WFS1: variants seen among roughly 807,000 people sequenced by gnomAD.
The protein encoded by WFS1 is wolframin.
WFS1 carries 90 observed loss-of-function variants against 68.5 expected under a neutral mutation model. The observed-to-expected ratio is 1.31, with a 90% CI of 1.11 to 1.56. The LOEUF is 1.56. WFS1 is among the 40% of genes most tolerant of loss of function. The pLI is 0.00. For missense variants in WFS1, 1,767 were observed against 1,232.6 expected (o/e 1.43, Z -6.49); for synonymous variants, 860 against 540.7 (o/e 1.59, Z -8.19).
chr4:6,295,135 A>T lies in WFS1; in HGVS notation c.807A>T (p.Glu269Asp), dbSNP rs773140080. The T allele has an allele frequency of 1.4e-5, 23 of 1,613,086 alleles. No individual in the cohort carries two copies. Among genetic ancestry groups the T allele is most frequent in the African/African-American group, 5.3e-5 (4 of 75,042 alleles). Residue 269 changes from glutamate (E) to aspartate (D), a missense_variant, in exon 7 of 8, where the codon GAA becomes GAT. By Grantham distance (45) the Glu-to-Asp change is conservative (BLOSUM62 2). Coordinates refer to ENST00000226760, the MANE Select transcript of WFS1 (RefSeq NM_006005.3). ...GCAGCCTGTTCCTGCAGGACGACGA[A>T]GATGATGACGAGCTGGCGGGGAAGA... ...IPSSLFLQDD[E>D]DDDELAGKSP...
chr4:6,299,505 T>G lies in WFS1; in HGVS notation c.862-1152T>G, dbSNP rs567751616. Among the ~76,000 whole-genome samples, 242 of 120,684 alleles carry G rather than the reference T, an allele frequency of 2.0e-3. 2 individuals are homozygous for G. Among genetic ancestry groups the G allele is most frequent in the African/African-American group, 7.8e-3 (233 of 29,768 alleles). 79.2% of individuals were successfully genotyped at this position (120,684 alleles called of 152,430 possible). A position where few individuals can be genotyped will look rare whatever the true frequency, so the allele number is the denominator to read the frequency against. On this transcript the variant is annotated intron_variant, in intron 7 of 7. Coordinates refer to ENST00000226760, the MANE Select transcript of WFS1 (RefSeq NM_006005.3). Reference sequence around the variant, plus strand: ...GTGGGTGTGCACGTGTGTGTAGGGGTGGGTTGCGTGTGTGTGAATGTGTAT... The same window carrying G: ...GTGGGTGTGCACGTGTGTGTAGGGGGGGGTTGCGTGTGTGTGAATGTGTAT...
intron 5 of WFS1, 138 bp downstream of exon 5, chr4:6,291,505 C>T (rs1393318897): frequency 5.8e-6 from 7 of 1,214,550 alleles, no homozygotes; most frequent in East Asian, 2.6e-5. Context: ...CCTGTGAGGA[C>T]AGGGCCCTTC....
chr4:6,273,049 C>G (rs1049078011), intron 1 of WFS1, among the ~76,000 whole-genome samples: 1 of 152,254 alleles, frequency 6.6e-6, no homozygotes, highest in Non-Finnish European at 1.5e-5. Context: ...GGCAGAGGCA[C>G]TGATCAGAGA....
At chr4:6,293,700 C>A (rs6838400) in intron 6 of WFS1, among the ~76,000 whole-genome samples, 1 of 152,080 alleles carries the variant, frequency 6.6e-6, no homozygotes, top group Non-Finnish European at 1.5e-5. Context: ...TCTCTCAGGA[C>A]AGGACATCCT....
chr4:6,299,246 T>G (rs1730753741), intron 7 of WFS1, among the ~76,000 whole-genome samples: 1 of 152,204 alleles, frequency 6.6e-6, no homozygotes, highest in East Asian at 1.9e-4. Flanking sequence ...CTTCACCCCA[T>G]CCTGAGGCTG....
chr4:6,291,456 C>G (rs1211443888), intron 5 of WFS1, 89 bp downstream of exon 5: 3 of 1,525,492 alleles, frequency 2.0e-6, no homozygotes, highest in Non-Finnish European at 2.7e-6. Flanking sequence ...TGGGACCTTC[C>G]CTCAGGGGCT....
intron 5 of WFS1, 130 bp from the exon 6 acceptor site, chr4:6,291,787 A>G (rs974162680): frequency 3.0e-6 from 3 of 1,003,216 alleles, no homozygotes; most frequent in Admixed American, 2.0e-5. Context: ...TGGGGGCCCT[A>G]TGATCCCCAG....
intron 1 of WFS1, among the ~76,000 whole-genome samples, chr4:6,276,982 A>T (rs1730012241): frequency 6.6e-6 from 1 of 152,218 alleles, no homozygotes; most frequent in Admixed American, 6.5e-5. Flanking sequence ...GGCTGATCTC[A>T]TTTCAAGATC....
intron 1 of WFS1, among the ~76,000 whole-genome samples, chr4:6,270,472 G>T (rs1729770782): frequency 6.6e-6 from 1 of 152,110 alleles, no homozygotes; most frequent in Admixed American, 6.5e-5. Context: ...GTTGTGGGGG[G>T]GAAGGGGGGT....
intron 7 of WFS1, among the ~76,000 whole-genome samples, chr4:6,298,361 C>A (rs948645766): frequency 3.9e-5 from 6 of 152,250 alleles, no homozygotes; most frequent in African/African-American, 9.6e-5. Flanking sequence ...GAAATGCCCT[C>A]AAACCCTGTA....
At chr4:6,288,313 G>A (rs191809975) in intron 3 of WFS1, among the ~76,000 whole-genome samples, 2 of 152,320 alleles carry the variant, frequency 1.3e-5, no homozygotes, top group East Asian at 3.9e-4. Context: ...TGGAGGCGGG[G>A]GGAGCATAGT....
In WFS1 at chr4:6,300,773, G is replaced by T; in HGVS notation, c.978G>T (p.Ala326=). 1 of 1,613,980 alleles carries T rather than the reference G, an allele frequency of 6.2e-7. No homozygotes were observed. Among genetic ancestry groups the T allele is most frequent in the South Asian group, 1.1e-5 (1 of 91,068 alleles). ...TCATCCCCACGCACCACATCAACGCGCTCATCTTCTTCTTCATCGTCAGCA... is the reference window on the plus strand; with the variant it reads ...TCATCCCCACGCACCACATCAACGCTCTCATCTTCTTCTTCATCGTCAGCA... ...STIIPTHHIN[A]LIFFFIVSNL... Residue 326 remains alanine (A), a synonymous_variant, in exon 8 of 8, where the codon GCG becomes GCT. Coordinates refer to ENST00000226760, the MANE Select transcript of WFS1 (RefSeq NM_006005.3).
chr4:6,295,366 G>A (rs139861041), intron 7 of WFS1, among the ~76,000 whole-genome samples, 177 bp downstream of exon 7: 2 of 152,168 alleles, frequency 1.3e-5, no homozygotes, highest in Admixed American at 6.5e-5. Flanking sequence ...ATGTGTCCTC[G>A]GGAGAGAGGC....
At chr4:6,291,163 C>T (rs202053393) in intron 4 of WFS1, 34 bp from the exon 5 acceptor site, 89 of 1,608,886 alleles carry the variant, frequency 5.5e-5, no homozygotes, top group Admixed American at 1.0e-4. Context: ...CTAGGCAGGG[C>T]ACACAAGGCC....
In WFS1 at chr4:6,295,123, G is replaced by A. The variant is rs1312972519; in HGVS notation, c.795G>A (p.Leu265=). ...AKGVIPSSLF[L]QDDEDDDELA... ...GCGTCATCCCCAGCAGCCTGTTCCT[G>A]CAGGACGACGAAGATGATGACGAGC... Residue 265 remains leucine, a synonymous_variant, in exon 7 of 8, where the codon CTG becomes CTA. Coordinates refer to ENST00000226760, the MANE Select transcript of WFS1 (RefSeq NM_006005.3). 1 of 1,613,184 alleles carries A rather than the reference G, an allele frequency of 6.2e-7. No homozygotes were observed. The highest frequency in any genetic ancestry group is 1.3e-5 in the African/African-American group (1 of 74,924).
intron 7 of WFS1, among the ~76,000 whole-genome samples, chr4:6,297,722 A>G (rs1730675654): frequency 6.6e-6 from 1 of 152,198 alleles, no homozygotes; most frequent in Admixed American, 6.5e-5. Context: ...TTCTATTCAT[A>G]GAGGCAGACT....
intron 7 of WFS1, among the ~76,000 whole-genome samples, chr4:6,300,229 C>A (rs1049623362): frequency 6.6e-6 from 1 of 152,144 alleles, no homozygotes; most frequent in East Asian, 1.9e-4. Flanking sequence ...GAGGTGACAT[C>A]CTTGCTGTAG....
chr4:6,291,343 A>G lies in WFS1; in HGVS notation c.607A>G (p.Asn203Asp). 6.2e-7 allele frequency: 1 copy of G among 1,613,012 alleles called. No homozygotes were observed. ...KQVAVAELLE[N>D]VGQVNEHDGG... is the part of the protein sequence containing the mutation. ...GGTGGCCGTGGCGGAGCTGCTGGAGAATGTCGGCCAGGTCAACGAGCACGG... is the reference window on the plus strand; with the variant it reads ...GGTGGCCGTGGCGGAGCTGCTGGAGGATGTCGGCCAGGTCAACGAGCACGG... Residue 203 changes from asparagine (N) to aspartate (D), a missense_variant, in exon 5 of 8, where the codon AAT becomes GAT. Coordinates refer to ENST00000226760, the MANE Select transcript of WFS1 (RefSeq NM_006005.3).
rs769204108 is a variant in WFS1 at position 6,295,117 on chromosome 4, G to A, written c.789G>A (p.Leu263=). The change falls in exon 7 of 8, where the codon CTG becomes CTA. Residue 263 remains leucine, a synonymous_variant. Coordinates refer to ENST00000226760, the MANE Select transcript of WFS1 (RefSeq NM_006005.3). ...KYAKGVIPSS[L]FLQDDEDDDE... is the part of the protein sequence containing the mutation. The stretch of plus-strand genomic sequence containing the variant: ...CCAAGGGCGTCATCCCCAGCAGCCT[G>A]TTCCTGCAGGACGACGAAGATGATG... 1.9e-6 allele frequency: 3 copies of A among 1,613,390 alleles called. No individual in the cohort carries two copies. The highest frequency in any genetic ancestry group is 2.5e-6 in the Non-Finnish European group (3 of 1,180,032).
Sources: allele counts gnomAD v4.1 joint callset (sites outside exome capture counted in the v4.1 genomes callset), GRCh38; gene constraint gnomAD v4.1.1; transcripts MANE v1.5; gene names NCBI Gene and HGNC (gene_info 2026-07-23, HGNC 2026-07-21).